The following AHR variants were observed in gnomAD, a reference collection of about 807,000 sequenced individuals.
AHR encodes the protein AH-receptor.
A neutral mutation model predicts 86.8 loss-of-function variants in AHR; 40 were observed. The observed-to-expected ratio is 0.46, with a 90% CI of 0.36 to 0.60. AHR has a LOEUF of 0.60. AHR is among the 20% of genes least tolerant of loss of function. The probability of loss-of-function intolerance (pLI) is 0.00; values close to 1 mark genes in which losing one functional copy is unlikely to be tolerated. For missense variants in AHR, 1,001 were observed against 1,011.6 expected (o/e 0.99, Z 0.14); for synonymous variants, 398 against 354.9 (o/e 1.12, Z -1.37).
At chr7:17,312,453 CAT>C (rs1455005525) in intron 2 of AHR, among the ~76,000 whole-genome samples, 2 of 152,098 alleles carry the variant, frequency 1.3e-5, no homozygotes, top group East Asian at 1.9e-4. Flanking sequence ...GTGAAACACA[CAT>C]ATATAAACAG....
At chr7:17,311,124 T>G (rs1166797989) in intron 2 of AHR, among the ~76,000 whole-genome samples, 5 of 152,250 alleles carry the variant, frequency 3.3e-5, no homozygotes, top group African/African-American at 7.2e-5. Flanking sequence ...TATTTTCTCA[T>G]GTAAAATTAA....
chr7:17,317,113 T>TTTG (rs1415144242), intron 2 of AHR, among the ~76,000 whole-genome samples: 9 of 72,720 alleles, frequency 1.2e-4, no homozygotes, highest in Non-Finnish European at 2.1e-4. Context: ...AGTGGAGAAT[T>TTTG]TTGTTTTTTT....
At chr7:17,338,362 AT>A (rs1782378633) in intron 9 of AHR, among the ~76,000 whole-genome samples, 1 of 151,270 alleles carries the variant, frequency 6.6e-6, no homozygotes, top group African/African-American at 2.4e-5. Flanking sequence ...TTTTTTTATT[AT>A]TATTATTTTT....
chr7:17,321,831 G>T (rs559261860), intron 2 of AHR, among the ~76,000 whole-genome samples: 1 of 151,852 alleles, frequency 6.6e-6, no homozygotes, highest in Admixed American at 6.6e-5. Flanking sequence ...ATTCTAGCAG[G>T]ACAAAATATA....
intron 5 of AHR, 111 bp from the exon 6 acceptor site, chr7:17,330,645 G>A: frequency 1.1e-6 from 1 of 918,116 alleles, no homozygotes; most frequent in Non-Finnish European, 1.5e-6. Flanking sequence ...TGATTTTTTT[G>A]TATTCAGAAC....
chr7:17,335,946 T>G (rs1483537521), intron 9 of AHR, 160 bp downstream of exon 9: 1 of 676,620 alleles, frequency 1.5e-6, no homozygotes, highest in East Asian at 3.0e-5. Flanking sequence ...ATTGAGAAGA[T>G]AGAATTGACG....
chr7:17,333,174 A>C (rs1049117720), intron 6 of AHR, among the ~76,000 whole-genome samples: 1 of 151,936 alleles, frequency 6.6e-6, no homozygotes, highest in Non-Finnish European at 1.5e-5. Flanking sequence ...AAATTGCCTA[A>C]GGACACATTT....
At chr7:17,317,116 G>GTTTTTTTTTTTTTTTT (rs66779121) in intron 2 of AHR, among the ~76,000 whole-genome samples, 4 of 123,680 alleles carry the variant, frequency 3.2e-5, no homozygotes, top group Non-Finnish European at 4.9e-5. Flanking sequence ...GGAGAATTTT[G>GTTTTTTTTTTTTTTTT]TTTTTTTTTT....
chr7:17,340,413 A>G (rs546823767), intron 10 of AHR, among the ~76,000 whole-genome samples, 185 bp downstream of exon 10: 14 of 151,022 alleles, frequency 9.3e-5, no homozygotes, highest in South Asian at 2.1e-4. Context: ...CCAGTATGTT[A>G]CTAATATATC....
At chr7:17,301,362 T>G (rs1281631620) in intron 1 of AHR, among the ~76,000 whole-genome samples, 1 of 152,018 alleles carries the variant, frequency 6.6e-6, no homozygotes, top group Non-Finnish European at 1.5e-5. Flanking sequence ...AAATTTGAGT[T>G]TTAAAATTAA....
At chr7:17,332,190 G>A (rs981461285) in intron 6 of AHR, among the ~76,000 whole-genome samples, 1 of 151,714 alleles carries the variant, frequency 6.6e-6, no homozygotes, top group Non-Finnish European at 1.5e-5. Context: ...CATATAAAAA[G>A]TATAGCACAT....
At chr7:17,317,116 G>GTTTTTTTTTTTTTTTTTT (rs66779121) in intron 2 of AHR, among the ~76,000 whole-genome samples, 1 of 123,684 alleles carries the variant, frequency 8.1e-6, no homozygotes, top group Non-Finnish European at 1.6e-5. Flanking sequence ...GGAGAATTTT[G>GTTTTTTTTTTTTTTTTTT]TTTTTTTTTT....
At chr7:17,312,312 C>G (rs1243615744) in intron 2 of AHR, among the ~76,000 whole-genome samples, 1 of 152,064 alleles carries the variant, frequency 6.6e-6, no homozygotes, top group Non-Finnish European at 1.5e-5. Flanking sequence ...GTCATTTTAC[C>G]TTTCCATTTC....
At chr7:17,300,238 C>T (rs1781941135) in intron 1 of AHR, among the ~76,000 whole-genome samples, 1 of 152,148 alleles carries the variant, frequency 6.6e-6, no homozygotes, top group Admixed American at 6.5e-5. Context: ...GTGCTCAAAA[C>T]ATTTCCTGTT....
intron 2 of AHR, among the ~76,000 whole-genome samples, chr7:17,312,374 A>AT (rs1554265827): frequency 2.0e-5 from 3 of 152,230 alleles, no homozygotes; most frequent in South Asian, 2.1e-4. Context: ...AGAAAAAAAA[A>AT]GTATAGGTTT....
intron 9 of AHR, among the ~76,000 whole-genome samples, chr7:17,337,665 T>C (rs571591758): frequency 5.2e-4 from 78 of 151,302 alleles, no homozygotes; most frequent in South Asian, 4.0e-3. Context: ...TTAGTAGAGA[T>C]GGGGTTTCAC....
chr7:17,339,866 A>G lies in AHR; in HGVS notation c.2041A>G (p.Ile681Val). The G allele has an allele frequency of 6.2e-7, 1 of 1,614,184 alleles. No homozygotes were observed. Among genetic ancestry groups the G allele is most frequent in the Non-Finnish European group, 8.5e-7 (1 of 1,180,010 alleles). The change falls in exon 10 of 11, where the codon ATC becomes GTC. Residue 681 changes from isoleucine to valine, a missense_variant. Physicochemically the swap from Ile to Val is conservative, Grantham distance 29. This residue lies in a region of AHR where 607 missense variants were observed against 543.1 expected (regional missense o/e 1.12). Coordinates refer to ENST00000242057, the MANE Select transcript of AHR (RefSeq NM_001621.5). ...TAATGTCTTTACAGACTTACATGGG[A>G]TCAGTCAAGAGTTCCCCTACAAATC... ...QYNVFTDLHG[I>V]SQEFPYKSEM...
rs1782473680 is a variant in AHR, at chr7:17,345,463, TTGTC to T, written c.*2402_*2405del. The stretch of plus-strand genomic sequence containing the variant: ...AATCAATTTAAGTGTTGGAAAAAAT[TTGTC>T]TGAAACATTTCATAATTTGTTTCCA... On this transcript the variant is annotated 3_prime_UTR_variant, in exon 11 of 11. Transcript: ENST00000242057. 1 of 152,404 alleles carries T rather than the reference TTGTC, an allele frequency of 6.6e-6. No individual in the cohort carries two copies. The highest frequency in any genetic ancestry group is 2.1e-4 in the South Asian group (1 of 4,832). 9.4% of individuals were successfully genotyped at this position (152,404 alleles called of 1,614,324 possible). A position where few individuals can be genotyped will look rare whatever the true frequency, so the allele number is the denominator to read the frequency against.
chr7:17,317,116 GTTTTTTTT>G (rs66779121), intron 2 of AHR, among the ~76,000 whole-genome samples: 4 of 123,684 alleles, frequency 3.2e-5, no homozygotes, highest in Non-Finnish European at 6.5e-5. Flanking sequence ...GGAGAATTTT[GTTTTTTTT>G]TTTTTTTTTG....
Sources: allele counts gnomAD v4.1 joint callset (sites outside exome capture counted in the v4.1 genomes callset), GRCh38; gene constraint gnomAD v4.1.1; regional missense constraint gnomAD v4.1.1; transcripts MANE v1.5; gene names NCBI Gene and HGNC (gene_info 2026-07-23, HGNC 2026-07-21).